Variants in MARCHF8 observed in about 807,000 individuals in gnomAD.
MARCHF8 encodes membrane associated ring-CH-type finger 8.
A neutral mutation model predicts 51.6 loss-of-function variants in MARCHF8; 40 were observed. The ratio of observed to expected loss-of-function variants is 0.77; its 90% CI spans 0.60 to 1.01. The LOEUF (loss-of-function observed/expected upper bound fraction) is 1.01. Among genes scored for constraint, MARCHF8 ranks in the 50% least tolerant of loss-of-function variants. The pLI, the probability that MARCHF8 is intolerant of heterozygous loss-of-function variation, is 0.00. For missense variants in MARCHF8, 685 were observed against 708.6 expected (o/e 0.97, Z 0.38); for synonymous variants, 263 against 280.3 (o/e 0.94, Z 0.62).
At chr10:45,512,108 T>A (rs866116439) in intron 2 of MARCHF8, among the ~76,000 whole-genome samples, 112 of 145,562 alleles carry the variant, frequency 7.7e-4, no homozygotes, top group African/African-American at 2.6e-3. Context: ...CCGCCCCGTC[T>A]GGGATGTGAG....
At position 45,457,966 on chromosome 10, in the gene MARCHF8, C is replaced by A; in HGVS notation, c.*273G>T. On this transcript the variant is annotated 3_prime_UTR_variant, in exon 8 of 8. Coordinates refer to ENST00000453424, the MANE Select transcript of MARCHF8 (RefSeq NM_001282866.2). Reference sequence around the variant, plus strand: ...TTTTATTCTCTCATTCAGCTCAAGACCATGGGCAGGAACTCTGCTGGCTCC... The same window carrying A: ...TTTTATTCTCTCATTCAGCTCAAGAACATGGGCAGGAACTCTGCTGGCTCC... 1 of 448,478 alleles carries A rather than the reference C, an allele frequency of 2.2e-6. No individual in the cohort carries two copies. Among genetic ancestry groups the A allele is most frequent in the Non-Finnish European group, 3.9e-6 (1 of 256,096 alleles). The allele number at this position is 448,478 out of a possible 1,614,324, so 27.8% of individuals were successfully genotyped here.
intron 1 of MARCHF8, among the ~76,000 whole-genome samples, chr10:45,543,369 T>C (rs1052569589): frequency 1.3e-5 from 2 of 152,228 alleles, no homozygotes; most frequent in Admixed American, 6.5e-5. Context: ...TTTGCAGATG[T>C]TATTTAAAAA....
intron 1 of MARCHF8, among the ~76,000 whole-genome samples, chr10:45,580,316 A>G (rs1307739042): frequency 6.6e-6 from 1 of 152,210 alleles, no homozygotes; most frequent in African/African-American, 2.4e-5. Context: ...GTAAAAAAAA[A>G]AATTCATAAA....
intron 2 of MARCHF8, among the ~76,000 whole-genome samples, chr10:45,503,761 T>C (rs11239540): frequency 0.11 from 16,313 of 152,054 alleles, 1,170 homozygotes; most frequent in Non-Finnish European, 0.15. Flanking sequence ...AAATGTGGTA[T>C]TATCCATACA....
At chr10:45,498,396 C>A (rs1446676536) in intron 2 of MARCHF8, among the ~76,000 whole-genome samples, 1 of 152,142 alleles carries the variant, frequency 6.6e-6, no homozygotes, top group Admixed American at 6.5e-5. Context: ...CAAGTGGAAT[C>A]ATAACAGTAT....
In MARCHF8 at chr10:45,485,263, C is replaced by G. The variant is rs549856863; in HGVS notation, c.153+4104G>C. Among the ~76,000 whole-genome samples the G allele has an allele frequency of 4.3e-4, 66 of 152,192 alleles. 3 individuals carry two copies. The South Asian group carries it at 0.013, about 30-fold the overall frequency. On this transcript the variant is annotated intron_variant, in intron 3 of 7. Transcript: ENST00000453424. The stretch of plus-strand genomic sequence containing the variant: ...TGCAATGGAAAAAAATTCATGAAAA[C>G]CCAGGCAGTGATAAGTGCGATCCTG...
chr10:45,547,329 G>T (rs970325502), intron 1 of MARCHF8, among the ~76,000 whole-genome samples: 1 of 152,162 alleles, frequency 6.6e-6, no homozygotes, highest in African/African-American at 2.4e-5. Context: ...CCAGGAGGGA[G>T]AGAAACTTTT....
intron 1 of MARCHF8, among the ~76,000 whole-genome samples, chr10:45,581,597 G>A (rs1408418067): frequency 6.6e-6 from 1 of 152,162 alleles, no homozygotes; most frequent in Non-Finnish European, 1.5e-5. Flanking sequence ...TTCAAAGACT[G>A]CTTCACAGCA....
chr10:45,460,217 CCTG>C lies in MARCHF8; in HGVS notation c.1270-953_1270-951del, dbSNP rs2132913039. Among the ~76,000 whole-genome samples, 2 of 152,278 alleles carry C rather than the reference CCTG, an allele frequency of 1.3e-5. 1 individual carries two copies. The highest frequency in any genetic ancestry group is 2.9e-5 in the Non-Finnish European group (2 of 68,014). Reference sequence around the variant, plus strand: ...GTCAGTGCCTCAGTGCCCCATGCTCCCTGCTACTTCCTACAACGCACGTAGCTT... The same window carrying C: ...GTCAGTGCCTCAGTGCCCCATGCTCCCTACTTCCTACAACGCACGTAGCTT... On this transcript the variant is annotated intron_variant, in intron 6 of 7. Coordinates refer to ENST00000453424, the MANE Select transcript of MARCHF8 (RefSeq NM_001282866.2).
intron 2 of MARCHF8, among the ~76,000 whole-genome samples, chr10:45,512,082 G>A (rs80075898): frequency 6.7e-6 from 1 of 150,278 alleles, no homozygotes; most frequent in African/African-American, 2.5e-5. Flanking sequence ...GAGATGTGGG[G>A]AGCGCCTCTG....
In MARCHF8 at chr10:45,463,582, T is replaced by C; in HGVS notation, c.657A>G (p.Ser219=). The C allele has an allele frequency of 6.4e-7, 1 of 1,550,674 alleles. No homozygotes were observed. The highest frequency in any genetic ancestry group is 8.7e-7 in the Non-Finnish European group (1 of 1,147,008). Reference sequence around the variant, plus strand: ...CAGTTGAGCGACCGGCAGAAAGGCATGAAACACAAGAATGTTTGGAATTGC... The same window carrying C: ...CAGTTGAGCGACCGGCAGAAAGGCACGAAACACAAGAATGTTTGGAATTGC... ...PLGNSKHSCV[S]CLSAGRSTAS... is the part of the protein sequence containing the mutation. Residue 219 remains serine (S), a synonymous_variant, in exon 5 of 8, where the codon TCA becomes TCG. Coordinates refer to ENST00000453424, the MANE Select transcript of MARCHF8 (RefSeq NM_001282866.2).
At position 45,463,803 on chromosome 10, in the gene MARCHF8, T is replaced by C. The variant is rs1333086259; in HGVS notation, c.436A>G (p.Thr146Ala). ...WAQALKPAKN[T>A]KARRTLKFSR... ...AACTTTAGTGTTCTTCTGGCTTTGGTATTCTTAGCAGGCTTCAAGGCCTGG... is the reference window on the plus strand; with the variant it reads ...AACTTTAGTGTTCTTCTGGCTTTGGCATTCTTAGCAGGCTTCAAGGCCTGG... Residue 146 changes from threonine (T) to alanine (A), a missense_variant, in exon 5 of 8, where the codon ACC becomes GCC. By Grantham distance (58) the Thr-to-Ala change is moderately conservative (BLOSUM62 0). Transcript: ENST00000453424. 4 of 1,549,806 alleles carry C rather than the reference T, an allele frequency of 2.6e-6. No individual in the cohort carries two copies. In the African/African-American group the frequency reaches 5.5e-5, roughly 21 times the overall value.
chr10:45,510,435 A>C (rs1351248023), intron 2 of MARCHF8, among the ~76,000 whole-genome samples: 2 of 152,200 alleles, frequency 1.3e-5, no homozygotes, highest in Non-Finnish European at 2.9e-5. Context: ...AAATGGCATA[A>C]AGTACCATTT....
chr10:45,568,932 G>C (rs1306978652), intron 1 of MARCHF8, among the ~76,000 whole-genome samples: 1 of 151,384 alleles, frequency 6.6e-6, no homozygotes, highest in Non-Finnish European at 1.5e-5. Flanking sequence ...GGGTGTGGTA[G>C]TGGGCGCCTG....
chr10:45,512,617 C>G (rs868101498), intron 2 of MARCHF8, among the ~76,000 whole-genome samples: 1 of 147,862 alleles, frequency 6.8e-6, no homozygotes, highest in Non-Finnish European at 1.5e-5. Flanking sequence ...GTCAGCCCCC[C>G]GCCCGGCCAG....
intron 2 of MARCHF8, among the ~76,000 whole-genome samples, chr10:45,513,914 T>TC: frequency 6.6e-6 from 1 of 152,226 alleles, no homozygotes; most frequent in Admixed American, 6.5e-5. Flanking sequence ...AAACAACACT[T>TC]CCTCTAGAAA....
In MARCHF8 at chr10:45,458,084, G is replaced by A. The variant is rs1842661732; in HGVS notation, c.*155C>T. ...GCCTGGCCCACAGGAAGGTTTTCTA[G>A]GAGACTAAGGAGGGTTTAGAAAAAG... On this transcript the variant is annotated 3_prime_UTR_variant, in exon 8 of 8. Coordinates refer to ENST00000453424, the MANE Select transcript of MARCHF8 (RefSeq NM_001282866.2). The A allele has an allele frequency of 1.2e-6, 1 of 810,598 alleles. No homozygotes were observed. The allele number at this position is 810,598 out of a possible 1,614,324, so 50.2% of individuals were successfully genotyped here.
At position 45,460,145 on chromosome 10, in the gene MARCHF8, A is replaced by C. The variant is rs78621663; in HGVS notation, c.1270-878T>G. Among the ~76,000 whole-genome samples the C allele has an allele frequency of 3.8e-3, 574 of 152,218 alleles. 3 individuals carry two copies. Among genetic ancestry groups the C allele is most frequent in the African/African-American group, 0.013 (551 of 41,516 alleles). On this transcript the variant is annotated intron_variant, in intron 6 of 7. Transcript: ENST00000453424. The stretch of plus-strand genomic sequence containing the variant: ...CTAAATCTGGTTGTTTTCTGCTGGG[A>C]TTTTATACACTAGCAAGTTCCCTGG...
rs1346869986 is a variant in MARCHF8, at chr10:45,456,368, C to A, written c.*1871G>T. 1 of 152,348 alleles carries A rather than the reference C, an allele frequency of 6.6e-6. No homozygotes were observed. Among genetic ancestry groups the A allele is most frequent in the African/African-American group, 2.4e-5 (1 of 41,450 alleles). The allele number at this position is 152,348 out of a possible 1,614,324, so 9.4% of individuals were successfully genotyped here. A position where few individuals can be genotyped will look rare whatever the true frequency, so the allele number is the denominator to read the frequency against. ...CTGGCTATGGCTGGACAGTGCCTGC[C>A]CGGCCAGAGGAAGGCCACAGCAGAG... On this transcript the variant is annotated 3_prime_UTR_variant, in exon 8 of 8. Coordinates refer to ENST00000453424, the MANE Select transcript of MARCHF8 (RefSeq NM_001282866.2).
Sources: allele counts gnomAD v4.1 joint callset (sites outside exome capture counted in the v4.1 genomes callset), GRCh38; gene constraint gnomAD v4.1.1; transcripts MANE v1.5; gene names NCBI Gene and HGNC (gene_info 2026-07-23, HGNC 2026-07-21).